Variants in SLC9A9 observed in about 807,000 individuals in gnomAD.
The protein encoded by SLC9A9 is solute carrier family 9 member A9.
In SLC9A9, 62 loss-of-function variants were observed where a neutral mutation model predicts 77.8. The observed-to-expected ratio is 0.80, with a 90% CI of 0.65 to 0.98. SLC9A9 has a LOEUF of 0.98. Among genes scored for constraint, SLC9A9 ranks in the 50% least tolerant of loss-of-function variants. The pLI, the probability that SLC9A9 is intolerant of heterozygous loss-of-function variation, is 0.00. For missense variants in SLC9A9, 775 were observed against 774.9 expected (o/e 1.00, Z 0.00); for synonymous variants, 320 against 283.5 (o/e 1.13, Z -1.29).
chr3:143,319,161 G>A (rs999194221), intron 14 of SLC9A9, among the ~76,000 whole-genome samples: 1 of 152,194 alleles, frequency 6.6e-6, no homozygotes, highest in African/African-American at 2.4e-5. Context: ...CTGGGCGCTA[G>A]TCTAATAACC....
chr3:143,577,733 C>A (rs2108662095), intron 7 of SLC9A9, among the ~76,000 whole-genome samples: 1 of 152,242 alleles, frequency 6.6e-6, no homozygotes, highest in African/African-American at 2.4e-5. Flanking sequence ...AGAAAAAGGC[C>A]CCCAATATTT....
intron 4 of SLC9A9, among the ~76,000 whole-genome samples, chr3:143,699,693 C>A (rs143444669): frequency 1.3e-5 from 2 of 152,304 alleles, no homozygotes; most frequent in African/African-American, 4.8e-5. Flanking sequence ...TCTGCCAAGC[C>A]TCCCCACTGT....
At chr3:143,627,540 G>T in intron 6 of SLC9A9, 1 of 302,228 alleles carries the variant, frequency 3.3e-6, no homozygotes, top group Non-Finnish European at 6.4e-6. Flanking sequence ...GTGACTCGCA[G>T]CAGAAGGAGT....
intron 6 of SLC9A9, among the ~76,000 whole-genome samples, chr3:143,643,852 T>C (rs1273775671): frequency 6.6e-6 from 1 of 152,088 alleles, no homozygotes; most frequent in Non-Finnish European, 1.5e-5. Flanking sequence ...CCAGTGACCT[T>C]GTTTAATTCC....
chr3:143,357,894 C>T (rs748520599), intron 14 of SLC9A9, among the ~76,000 whole-genome samples: 16 of 152,136 alleles, frequency 1.1e-4, no homozygotes, highest in East Asian at 3.9e-4. Flanking sequence ...AGGGAAAAAC[C>T]GCAGTACAGG....
rs539446033 is a variant in SLC9A9, at chr3:143,528,697, A to G, written c.1089+23665T>C. ...TAAACTATCAAATAGCAGCAATTTCATATGGTCTGATCAAGTAAAAAGTCC... is the reference window on the plus strand; with the variant it reads ...TAAACTATCAAATAGCAGCAATTTCGTATGGTCTGATCAAGTAAAAAGTCC... On this transcript the variant is annotated intron_variant, in intron 9 of 15. Transcript: ENST00000316549. Among the ~76,000 whole-genome samples the G allele has an allele frequency of 8.5e-5, 13 of 152,272 alleles. 1 individual carries two copies. The highest frequency in any genetic ancestry group is 8.5e-4 in the Admixed American group (13 of 15,296).
At chr3:143,367,178 G>T (rs2032930495) in intron 13 of SLC9A9, among the ~76,000 whole-genome samples, 1 of 152,184 alleles carries the variant, frequency 6.6e-6, no homozygotes, top group Non-Finnish European at 1.5e-5. Context: ...GATATTTATG[G>T]TCAGCTGATG....
At chr3:143,326,757 A>G (rs958291409) in intron 14 of SLC9A9, among the ~76,000 whole-genome samples, 13 of 152,202 alleles carry the variant, frequency 8.5e-5, no homozygotes, top group Non-Finnish European at 1.9e-4. Flanking sequence ...TTCTCCCCCT[A>G]GTACATTGTT....
chr3:143,624,562 A>G (rs2038281984), intron 6 of SLC9A9, among the ~76,000 whole-genome samples: 1 of 152,198 alleles, frequency 6.6e-6, no homozygotes, highest in Admixed American at 6.5e-5. Flanking sequence ...ACAAAATTCA[A>G]CAGCCCCTCA....
chr3:143,716,440 A>G (rs906052541), intron 4 of SLC9A9, among the ~76,000 whole-genome samples: 3 of 151,782 alleles, frequency 2.0e-5, no homozygotes, highest in Admixed American at 6.6e-5. Context: ...AAATTTTATC[A>G]GTTAATTATC....
At chr3:143,277,082 G>A (rs1339077686) in intron 14 of SLC9A9, among the ~76,000 whole-genome samples, 1 of 152,194 alleles carries the variant, frequency 6.6e-6, no homozygotes, top group Non-Finnish European at 1.5e-5. Flanking sequence ...GCAATCAAGG[G>A]ACAGAGAAAG....
At chr3:143,423,369 A>G (rs1432595524) in intron 12 of SLC9A9, among the ~76,000 whole-genome samples, 1 of 152,128 alleles carries the variant, frequency 6.6e-6, no homozygotes, top group African/African-American at 2.4e-5. Context: ...TGGCTTCTAA[A>G]TACAATTCTT....
chr3:143,678,171 A>G (rs1276188120), intron 5 of SLC9A9, among the ~76,000 whole-genome samples: 1 of 152,108 alleles, frequency 6.6e-6, no homozygotes, highest in African/African-American at 2.4e-5. Context: ...TTACTTCCAG[A>G]TTGTCATTTT....
At chr3:143,678,020 G>T (rs1340804548) in intron 5 of SLC9A9, among the ~76,000 whole-genome samples, 2 of 151,988 alleles carry the variant, frequency 1.3e-5, no homozygotes, top group Admixed American at 1.3e-4. Flanking sequence ...TAGAGACGGG[G>T]TTTCACCGTG....
At chr3:143,785,140 C>G (rs1482045120) in intron 4 of SLC9A9, among the ~76,000 whole-genome samples, 2 of 152,320 alleles carry the variant, frequency 1.3e-5, no homozygotes, top group East Asian at 1.9e-4. Context: ...TATGCCTACC[C>G]TTTTGCAATG....
intron 9 of SLC9A9, chr3:143,503,605 C>A: frequency 2.2e-6 from 1 of 445,776 alleles, no homozygotes; most frequent in South Asian, 1.6e-5. Flanking sequence ...CTTCCTGGTT[C>A]AGCTCAGGGA....
chr3:143,796,778 A>G (rs753640609), intron 3 of SLC9A9, 48 bp downstream of exon 3: 2 of 1,368,120 alleles, frequency 1.5e-6, no homozygotes, highest in African/African-American at 1.4e-5. Context: ...GTGCTGGTAA[A>G]ATTCTCTACT....
chr3:143,713,270 T>C (rs1047057356), intron 4 of SLC9A9, among the ~76,000 whole-genome samples: 6 of 152,184 alleles, frequency 3.9e-5, no homozygotes, highest in African/African-American at 1.4e-4. Flanking sequence ...GTATTCAACA[T>C]TGGCCGGATC....
At chr3:143,448,738 A>C (rs2034892258) in intron 12 of SLC9A9, among the ~76,000 whole-genome samples, 1 of 148,938 alleles carries the variant, frequency 6.7e-6, no homozygotes, top group Admixed American at 6.9e-5. Context: ...ACATGAATAA[A>C]ATAATCACAG....
Sources: gnomAD v4.1 joint callset for allele counts (sites outside exome capture counted in the v4.1 genomes callset) on GRCh38, gnomAD v4.1.1 for gene constraint, MANE v1.5 for transcripts, NCBI Gene and HGNC (gene_info 2026-07-23, HGNC 2026-07-21) for gene names.